PUS10: variants seen among roughly 807,000 people sequenced by gnomAD.
PUS10 encodes the protein pseudouridine synthase 10, also known as tRNA pseudouridine synthase Pus10.
In PUS10, 59 loss-of-function variants were observed where a neutral mutation model predicts 75.0. The ratio of observed to expected loss-of-function variants is 0.79; its 90% CI spans 0.64 to 0.98. The LOEUF (loss-of-function observed/expected upper bound fraction) is 0.98, where lower values mean the gene tolerates loss of function less well. Ranked by LOEUF, PUS10 falls within the 50% of genes least tolerant of loss-of-function variation. The pLI is 0.00. For missense variants in PUS10, 650 were observed against 614.4 expected (o/e 1.06, Z -0.61); for synonymous variants, 219 against 211.6 (o/e 1.03, Z -0.30).
intron 1 of PUS10, chr2:61,017,696 G>A (rs1223737220): frequency 2.2e-6 from 3 of 1,337,206 alleles, no homozygotes; most frequent in Non-Finnish European, 2.1e-6. Context: ...TACGCTCCAG[G>A]TGCTGGTCTA....
At position 60,960,168 on chromosome 2, in the gene PUS10, A is replaced by G. The variant is rs867994583; in HGVS notation, c.1000+224T>C. Among the ~76,000 whole-genome samples, 35 of 148,120 alleles carry G rather than the reference A, an allele frequency of 2.4e-4. No homozygotes were observed. The East Asian group carries it at 3.9e-3, about 17-fold the overall frequency. Reference sequence around the variant, plus strand: ...CTCTCTCAAAAAAAAAAAAAAAAAAAAGAGAGAGAGAATAAAATATGAAGA... The same window carrying G: ...CTCTCTCAAAAAAAAAAAAAAAAAAGAGAGAGAGAGAATAAAATATGAAGA... On this transcript the variant is annotated intron_variant, in intron 11 of 17. Coordinates refer to ENST00000316752, the MANE Select transcript of PUS10 (RefSeq NM_144709.4).
chr2:61,010,604 C>G (rs13026685), intron 2 of PUS10: 86,695 of 581,666 alleles, frequency 0.15, 7,655 homozygotes, highest in Non-Finnish European at 0.18. Flanking sequence ...GGATTACAGG[C>G]GTGAGCCACC....
chr2:60,946,482 T>G (rs987025360), intron 16 of PUS10, among the ~76,000 whole-genome samples: 5 of 152,218 alleles, frequency 3.3e-5, no homozygotes, highest in African/African-American at 1.2e-4. Context: ...CATTTCTCCT[T>G]GGCCCACCAG....
intron 4 of PUS10, among the ~76,000 whole-genome samples, chr2:60,997,181 T>C (rs990822696): frequency 6.6e-6 from 1 of 152,324 alleles, no homozygotes; most frequent in South Asian, 2.1e-4. Flanking sequence ...TGAATGGTTA[T>C]AAAAATGGCA....
intron 4 of PUS10, among the ~76,000 whole-genome samples, chr2:60,985,444 T>C (rs941426492): frequency 2.2e-4 from 33 of 152,310 alleles, no homozygotes; most frequent in African/African-American, 7.9e-4. Context: ...GAAAAATTTA[T>C]AGGTTTTTTG....
At chr2:60,969,807 C>T (rs930947533) in intron 5 of PUS10, among the ~76,000 whole-genome samples, 3 of 152,156 alleles carry the variant, frequency 2.0e-5, no homozygotes, top group Non-Finnish European at 4.4e-5. Context: ...AAATAAAAAG[C>T]CGGGAGCAGT....
intron 8 of PUS10, among the ~76,000 whole-genome samples, chr2:60,964,147 A>G (rs1179883854): frequency 6.6e-6 from 1 of 152,220 alleles, no homozygotes; most frequent in African/African-American, 2.4e-5. Context: ...CAAACATGGA[A>G]TGTTTTAGAT....
intron 4 of PUS10, among the ~76,000 whole-genome samples, chr2:60,980,979 C>T (rs1371967530): frequency 1.3e-5 from 2 of 152,136 alleles, no homozygotes; most frequent in Admixed American, 1.3e-4. Flanking sequence ...GCAACCTCTC[C>T]TCCTGGGCTC....
At chr2:60,960,297 T>A in intron 11 of PUS10, 95 bp downstream of exon 11, 1 of 939,950 alleles carries the variant, frequency 1.1e-6, no homozygotes, top group East Asian at 3.0e-5. Flanking sequence ...TAAGCTGTGA[T>A]CGTGCTACTG....
chr2:60,955,620 C>A (rs1033381416), intron 11 of PUS10, among the ~76,000 whole-genome samples: 1 of 152,184 alleles, frequency 6.6e-6, no homozygotes, highest in African/African-American at 2.4e-5. Flanking sequence ...TGAGCCACTG[C>A]ACCTGGACCA....
intron 1 of PUS10, among the ~76,000 whole-genome samples, chr2:61,014,834 C>T (rs1273647062): frequency 2.0e-5 from 3 of 152,166 alleles, no homozygotes; most frequent in Non-Finnish European, 2.9e-5. Context: ...TTCTAGTCTG[C>T]GTTTTCCAAA....
At chr2:61,001,093 T>G (rs1678822471) in intron 4 of PUS10, among the ~76,000 whole-genome samples, 1 of 152,232 alleles carries the variant, frequency 6.6e-6, no homozygotes, top group Non-Finnish European at 1.5e-5. Context: ...TTCAGAGCCC[T>G]GCTTTCTCTA....
intron 4 of PUS10, among the ~76,000 whole-genome samples, chr2:60,984,344 C>T (rs1677588777): frequency 6.6e-6 from 1 of 152,090 alleles, no homozygotes; most frequent in African/African-American, 2.4e-5. Context: ...TGTAAAAGTT[C>T]ACCTGAAAAT....
In PUS10 at chr2:61,006,309, T is replaced by A. The variant is rs192098138; in HGVS notation, c.468+248A>T. Among the ~76,000 whole-genome samples the A allele has an allele frequency of 2.3e-3, 352 of 152,320 alleles. 1 individual carries two copies. The highest frequency in any genetic ancestry group is 7.1e-3 in the African/African-American group (297 of 41,570). On this transcript the variant is annotated intron_variant, in intron 4 of 17. Transcript: ENST00000316752. Reference sequence around the variant, plus strand: ...CTAATAATGAATGTCTGCAACTGATTGAGGGACTTTAAAAAAGATGGCAGT... The same window carrying A: ...CTAATAATGAATGTCTGCAACTGATAGAGGGACTTTAAAAAAGATGGCAGT...
At chr2:60,951,949 C>A (rs1279426859) in intron 15 of PUS10, among the ~76,000 whole-genome samples, 1 of 152,188 alleles carries the variant, frequency 6.6e-6, no homozygotes, top group Non-Finnish European at 1.5e-5. Context: ...TCTAGTAGGT[C>A]ATCTAGGTTG....
rs746343400 is a variant in PUS10 at position 60,948,071 on chromosome 2, G to T, written c.1423C>A (p.Arg475Ser). 1 of 1,614,056 alleles carries T rather than the reference G, an allele frequency of 6.2e-7. No individual in the cohort carries two copies. The highest frequency in any genetic ancestry group is 2.2e-5 in the East Asian group (1 of 44,862). Residue 475 changes from arginine to serine, a missense_variant, in exon 16 of 18, where the codon CGC (arginine) becomes AGC (serine). By Grantham distance (110) the Arg-to-Ser change is moderately radical. Coordinates refer to ENST00000316752, the MANE Select transcript of PUS10 (RefSeq NM_144709.4). ...ETQYVDEHHF[R>S]LHLKTQAGTY... ...CCAGCCTGAGTTTTCAAGTGGAGGC[G>T]GAAGTGGTGCTCATCCACGTACTGT... is the stretch of plus-strand genomic sequence containing the variant.
chr2:60,960,521 A>G lies in PUS10; in HGVS notation c.875-4T>C. 6 of 1,568,884 alleles carry G rather than the reference A, an allele frequency of 3.8e-6. No individual in the cohort carries two copies. Among genetic ancestry groups the G allele is most frequent in the Non-Finnish European group, 4.3e-6 (5 of 1,163,858 alleles). On this transcript the variant is annotated splice_polypyrimidine_tract_variant and splice_region_variant and intron_variant, in intron 10 of 17. Transcript: ENST00000316752. ...CTGGAGTATTTATTATATCTCCCTG[A>G]GAAAGAAATAATCAGATAGCCTGGA...
At chr2:60,965,688 T>A in intron 6 of PUS10, 1 of 421,114 alleles carries the variant, frequency 2.4e-6, no homozygotes. Flanking sequence ...CTTCTAAAAC[T>A]CAGTCATTAG....
chr2:60,968,319 A>G (rs144127595), intron 5 of PUS10, among the ~76,000 whole-genome samples: 2 of 152,274 alleles, frequency 1.3e-5, no homozygotes, highest in South Asian at 2.1e-4. Flanking sequence ...ATGGTGTGGT[A>G]TTATTAAAAC....
Sources: gnomAD v4.1 joint callset for allele counts (sites outside exome capture counted in the v4.1 genomes callset) on GRCh38, gnomAD v4.1.1 for gene constraint, MANE v1.5 for transcripts, NCBI Gene and HGNC (gene_info 2026-07-23, HGNC 2026-07-21) for gene names.